ZFYVE28: variants seen among roughly 807,000 people sequenced by gnomAD.
ZFYVE28 encodes the protein lateral signaling target protein 2 homolog.
A neutral mutation model predicts 82.1 loss-of-function variants in ZFYVE28; 40 were observed. That is an observed-to-expected ratio of 0.49 (90% CI 0.38 to 0.63). The LOEUF (loss-of-function observed/expected upper bound fraction) is 0.63. Ranked by LOEUF, ZFYVE28 falls within the 30% of genes least tolerant of loss-of-function variation. ZFYVE28 has a pLI of 0.00. For synonymous variants in ZFYVE28, 612 were observed against 546.1 expected (o/e 1.12, Z -1.68); for missense variants, 1,321 against 1,242.1 (o/e 1.06, Z -0.96).
Position 2,341,865 on chromosome 4 carries a change from C to T in ZFYVE28, c.181-250G>A, listed in dbSNP as rs1329537752. Among the ~76,000 whole-genome samples, 1 of 152,120 alleles carries T rather than the reference C, an allele frequency of 6.6e-6. No individual in the cohort carries two copies. Among genetic ancestry groups the T allele is most frequent in the Non-Finnish European group, 1.5e-5 (1 of 68,008 alleles). On this transcript the variant is annotated intron_variant, in intron 2 of 12. Coordinates refer to ENST00000290974, the MANE Select transcript of ZFYVE28 (RefSeq NM_020972.3). The surrounding 1 kb of genome is among the most constrained non-coding windows in gnomAD (Gnocchi z 4.5). ...CGAAACCCCATCTCTACTAAAAATA[C>T]AAAAATTAGCCGGGCGTGGTAGCGC... is the stretch of plus-strand genomic sequence containing the variant.
At chr4:2,296,408 G>A (rs1016411649) in intron 8 of ZFYVE28, among the ~76,000 whole-genome samples, 36 of 152,200 alleles carry the variant, frequency 2.4e-4, no homozygotes, top group African/African-American at 8.4e-4. Flanking sequence ...TCTTATCCCC[G>A]ACTCACCGTG....
rs145909682 is a variant in ZFYVE28, at chr4:2,275,004, C to T, written c.2052-788G>A. Among the ~76,000 whole-genome samples, 546 of 150,784 alleles carry T rather than the reference C, an allele frequency of 3.6e-3. 1 individual carries two copies. Among genetic ancestry groups the T allele is most frequent in the African/African-American group, 0.013 (527 of 40,190 alleles). On this transcript the variant is annotated intron_variant, in intron 8 of 12. Transcript: ENST00000290974. Reference sequence around the variant, plus strand: ...TTGCGGGGACAGCAGCCTCAAGAAACGAATACAGGATCCCCCCGCCCCCAC... The same window carrying T: ...TTGCGGGGACAGCAGCCTCAAGAAATGAATACAGGATCCCCCCGCCCCCAC...
chr4:2,364,254 C>T (rs1026547960), intron 1 of ZFYVE28, among the ~76,000 whole-genome samples: 1 of 152,172 alleles, frequency 6.6e-6, no homozygotes, highest in Non-Finnish European at 1.5e-5. Flanking sequence ...GACCAGGGCT[C>T]GGTGCTGAGC....
intron 1 of ZFYVE28, among the ~76,000 whole-genome samples, chr4:2,400,032 G>A (rs909305929): frequency 1.2e-4 from 18 of 152,202 alleles, no homozygotes; most frequent in Admixed American, 5.2e-4. Context: ...CCCCACGGCC[G>A]CTTCAGATGC....
At chr4:2,337,262 T>C (rs1326983201) in intron 5 of ZFYVE28, 145 bp downstream of exon 5, 27 of 625,890 alleles carry the variant, frequency 4.3e-5, no homozygotes, top group Non-Finnish European at 6.4e-5. Context: ...CCGGATGTAG[T>C]GTGGGAAGAC....
chr4:2,408,350 G>GC lies in ZFYVE28; in HGVS notation c.39+9934dup, dbSNP rs397757058. On this transcript the variant is annotated intron_variant, in intron 1 of 12. Transcript: ENST00000290974. The surrounding 1 kb of genome is among the most constrained non-coding windows in gnomAD (Gnocchi z 4.3). Reference sequence around the variant, plus strand: ...CCCGCACCGAGAAGTGGAGGTGACAGCCCCCCCCATTTAATGGGGGCTGGC... The same window carrying GC: ...CCCGCACCGAGAAGTGGAGGTGACAGCCCCCCCCCATTTAATGGGGGCTGGC... 9.3e-3 allele frequency among the ~76,000 whole-genome samples: 1,408 copies of GC among 151,704 alleles called. 12 individuals carry two copies. The highest frequency in any genetic ancestry group is 0.024 in the South Asian group (113 of 4,766).
chr4:2,292,853 C>G (rs1713947151), intron 8 of ZFYVE28, among the ~76,000 whole-genome samples: 1 of 152,180 alleles, frequency 6.6e-6, no homozygotes, highest in Non-Finnish European at 1.5e-5. Flanking sequence ...AAGAAGACGG[C>G]TGCCTGACAG....
rs114237745 is a variant in ZFYVE28, at chr4:2,404,434, C to G, written c.39+13851G>C. 7.1e-3 allele frequency among the ~76,000 whole-genome samples: 1,080 copies of G among 152,214 alleles called. 13 individuals are homozygous for G. The highest frequency in any genetic ancestry group is 0.025 in the African/African-American group (1,046 of 41,542). On this transcript the variant is annotated intron_variant, in intron 1 of 12. Transcript: ENST00000290974. ...CTCATGCCAGTGTCATTCATGACAGCCAAAAATGGAGACTACCCAAATGTC... is the reference window on the plus strand; with the variant it reads ...CTCATGCCAGTGTCATTCATGACAGGCAAAAATGGAGACTACCCAAATGTC...
intron 8 of ZFYVE28, among the ~76,000 whole-genome samples, chr4:2,276,110 G>A (rs569909310): frequency 2.6e-5 from 4 of 152,220 alleles, no homozygotes; most frequent in Admixed American, 2.6e-4. Context: ...GAGGCGTGGC[G>A]CACGTGAGAA....
intron 1 of ZFYVE28, among the ~76,000 whole-genome samples, chr4:2,389,257 G>A (rs775452928): frequency 4.6e-5 from 7 of 152,206 alleles, no homozygotes; most frequent in East Asian, 1.9e-4. Context: ...TCCGGCTTCC[G>A]TGGATTTGGA....
chr4:2,327,872 T>G (rs1360240680), intron 6 of ZFYVE28, among the ~76,000 whole-genome samples: 1 of 152,238 alleles, frequency 6.6e-6, no homozygotes, highest in East Asian at 1.9e-4. Flanking sequence ...TCATTTCTCA[T>G]TTGTCTGAAT....
intron 7 of ZFYVE28, among the ~76,000 whole-genome samples, chr4:2,309,371 G>A (rs1717168120): frequency 6.6e-6 from 1 of 152,142 alleles, no homozygotes; most frequent in African/African-American, 2.4e-5. Flanking sequence ...AAATTACTGA[G>A]TCTTAGGTAT....
Position 2,320,298 on chromosome 4 carries a change from T to A in ZFYVE28, c.702-27A>T, listed in dbSNP as rs760662504. On this transcript the variant is annotated intron_variant, in intron 6 of 12. Transcript: ENST00000290974. This position sits in a 1 kb window ranked among gnomAD's most constrained non-coding sequence, Gnocchi z 5.1. ...TGCATTTGAGACACAAAAGCCAGGA[T>A]GTCAGGCCCTGTGGCCCCCTGGGTG... is the stretch of plus-strand genomic sequence containing the variant. The A allele has an allele frequency of 1.2e-5, 19 of 1,602,168 alleles. No individual in the cohort carries two copies. The Admixed American group carries it at 2.4e-4, about 20-fold the overall frequency.
intron 2 of ZFYVE28, among the ~76,000 whole-genome samples, chr4:2,345,514 C>T (rs1270375798): frequency 6.6e-6 from 1 of 151,844 alleles, no homozygotes; most frequent in Non-Finnish European, 1.5e-5. Context: ...CTGAAACTAT[C>T]CCAACAATTC....
At chr4:2,357,225 G>T (rs1725458953) in intron 1 of ZFYVE28, among the ~76,000 whole-genome samples, 1 of 152,170 alleles carries the variant, frequency 6.6e-6, no homozygotes, top group East Asian at 1.9e-4. Context: ...CCTTGCTTAT[G>T]GGGTGACCGC....
At chr4:2,370,540 G>A (rs1000103600) in intron 1 of ZFYVE28, among the ~76,000 whole-genome samples, 3 of 152,122 alleles carry the variant, frequency 2.0e-5, no homozygotes, top group African/African-American at 7.2e-5. Context: ...TCTTCCCCCC[G>A]TGCAGGTGGG....
Position 2,339,107 on chromosome 4 carries a change from C to T in ZFYVE28, c.521+346G>A, listed in dbSNP as rs1301194434. Among the ~76,000 whole-genome samples, 3 of 152,182 alleles carry T rather than the reference C, an allele frequency of 2.0e-5. No homozygotes were observed. Among genetic ancestry groups the T allele is most frequent in the East Asian group, 1.9e-4 (1 of 5,202 alleles). ...GATTACAGGCGTGAGCCACCGCACC[C>T]GCCTGGCTGCCTCTGTTTTCTTCTC... On this transcript the variant is annotated intron_variant, in intron 4 of 12. Coordinates refer to ENST00000290974, the MANE Select transcript of ZFYVE28 (RefSeq NM_020972.3). This position sits in a 1 kb window ranked among gnomAD's most constrained non-coding sequence, Gnocchi z 5.0.
chr4:2,400,153 C>CCTG (rs1731020485), intron 1 of ZFYVE28, among the ~76,000 whole-genome samples: 1 of 152,218 alleles, frequency 6.6e-6, no homozygotes. Flanking sequence ...CCTCGGGGAG[C>CCTG]CACAGGTCAG....
At chr4:2,355,220 A>AAAATGATTCTTC (rs1725076221) in intron 1 of ZFYVE28, among the ~76,000 whole-genome samples, 1 of 9,154 alleles carries the variant, frequency 1.1e-4, no homozygotes, top group Non-Finnish European at 2.6e-4. Flanking sequence ...ATATATATAT[A>AAAATGATTCTTC]TATATATATA....
Sources: gnomAD v4.1 joint callset for allele counts (sites outside exome capture counted in the v4.1 genomes callset) on GRCh38, gnomAD v4.1.1 for gene constraint, Gnocchi (gnomAD v3.1) non-coding constraint, MANE v1.5 for transcripts, NCBI Gene and HGNC (gene_info 2026-07-23, HGNC 2026-07-21) for gene names.